Variants in NFX1 observed in about 807,000 individuals in gnomAD.
NFX1 encodes the protein transcriptional repressor NF-X1.
A neutral mutation model predicts 137.2 loss-of-function variants in NFX1; 69 were observed. The observed-to-expected ratio is 0.50, with a 90% CI of 0.41 to 0.61. The LOEUF (loss-of-function observed/expected upper bound fraction) is 0.61, where lower values mean the gene tolerates loss of function less well. Among genes scored for constraint, NFX1 ranks in the 20% least tolerant of loss-of-function variants. The probability of loss-of-function intolerance (pLI) is 0.00; values close to 1 mark genes in which losing one functional copy is unlikely to be tolerated. For missense variants in NFX1, 1,167 were observed against 1,391.0 expected, an observed-to-expected ratio of 0.84 and a Z score of 2.56; for synonymous variants, 495 against 474.1, an observed-to-expected ratio of 1.04 and a Z score of -0.57.
intron 2 of NFX1, among the ~76,000 whole-genome samples, chr9:33,295,643 A>G (rs1002930154): frequency 6.6e-5 from 10 of 152,222 alleles, no homozygotes; most frequent in African/African-American, 1.4e-4. Flanking sequence ...AAGCAAATAC[A>G]AATAAGAATT....
chr9:33,346,108 TC>T (rs1165116450), intron 14 of NFX1, among the ~76,000 whole-genome samples: 4 of 152,308 alleles, frequency 2.6e-5, no homozygotes, highest in African/African-American at 9.6e-5. Context: ...GTTCCCTCCT[TC>T]CTTGGGGATC....
chr9:33,313,906 G>A, intron 7 of NFX1, 113 bp downstream of exon 7: 5 of 1,070,586 alleles, frequency 4.7e-6, no homozygotes, highest in Non-Finnish European at 6.9e-6. Context: ...AAGACCTTGA[G>A]TAGAGAGAAC....
chr9:33,347,530 A>G (rs1823469524), intron 15 of NFX1: 1 of 181,882 alleles, frequency 5.5e-6, no homozygotes. Context: ...TCAAAAAATA[A>G]TAGATGTTGG....
chr9:33,326,537 A>G (rs1939908446), intron 9 of NFX1, among the ~76,000 whole-genome samples: 1 of 151,848 alleles, frequency 6.6e-6, no homozygotes, highest in African/African-American at 2.4e-5. Flanking sequence ...TGGGCAACGT[A>G]GTGAGATTTA....
chr9:33,300,287 T>A (rs1000328477), intron 2 of NFX1, among the ~76,000 whole-genome samples: 6 of 151,856 alleles, frequency 4.0e-5, no homozygotes, highest in Non-Finnish European at 7.4e-5. Flanking sequence ...ATGGTCTTGA[T>A]CTCCCGACCT....
At chr9:33,365,608 C>G (rs1426578876) in intron 21 of NFX1, 1 of 151,932 alleles carries the variant, frequency 6.6e-6, no homozygotes, top group African/African-American at 2.4e-5. Flanking sequence ...GATCCTGTCT[C>G]AATAAAAAAG....
chr9:33,337,906 G>A (rs935990676), intron 11 of NFX1, among the ~76,000 whole-genome samples: 17 of 151,894 alleles, frequency 1.1e-4, no homozygotes, highest in Non-Finnish European at 2.2e-4. Context: ...AAAATTAGCC[G>A]GGCGTGGTGG....
chr9:33,298,719 G>A (rs1396763773), intron 2 of NFX1, among the ~76,000 whole-genome samples: 3 of 152,204 alleles, frequency 2.0e-5, no homozygotes, highest in Non-Finnish European at 4.4e-5. Flanking sequence ...AGTGGGTCAA[G>A]GCTGCAGTAA....
intron 6 of NFX1, 120 bp downstream of exon 6, chr9:33,311,297 T>A: frequency 3.9e-6 from 2 of 516,712 alleles, no homozygotes; most frequent in Non-Finnish European, 6.3e-6. Context: ...TGAATAGTAC[T>A]TTTTTTTTTT....
chr9:33,335,382 C>G (rs907036548), intron 11 of NFX1, among the ~76,000 whole-genome samples: 6 of 151,896 alleles, frequency 4.0e-5, no homozygotes, highest in African/African-American at 1.5e-4. Flanking sequence ...AGGCACCCAC[C>G]ACCATGCCTG....
intron 19 of NFX1, among the ~76,000 whole-genome samples, chr9:33,357,620 C>T (rs1332943251): frequency 1.3e-5 from 2 of 152,056 alleles, no homozygotes; most frequent in East Asian, 3.8e-4. Flanking sequence ...TACCCTTGAA[C>T]TCCTGGGCTC....
chr9:33,317,849 C>T (rs1018061325), intron 7 of NFX1, among the ~76,000 whole-genome samples: 10 of 150,874 alleles, frequency 6.6e-5, no homozygotes, highest in African/African-American at 2.4e-4. Flanking sequence ...GGTGGCGGGC[C>T]CCTATAATCC....
At chr9:33,343,033 G>A (rs1823285903) in intron 13 of NFX1, among the ~76,000 whole-genome samples, 179 bp downstream of exon 13, 1 of 152,156 alleles carries the variant, frequency 6.6e-6, no homozygotes, top group Non-Finnish European at 1.5e-5. Flanking sequence ...CCCTGAATGT[G>A]CAAAACTTGG....
chr9:33,362,180 G>C (rs909104828), intron 19 of NFX1, among the ~76,000 whole-genome samples: 3 of 151,352 alleles, frequency 2.0e-5, no homozygotes, highest in Non-Finnish European at 2.9e-5. Context: ...TGGTGGGATT[G>C]TAAATTAGTA....
At chr9:33,320,792 A>G (rs924070795) in intron 9 of NFX1, among the ~76,000 whole-genome samples, 4 of 152,334 alleles carry the variant, frequency 2.6e-5, no homozygotes, top group Middle Eastern at 6.8e-3. Context: ...CTAACCATGT[A>G]TCTTGTGAGG....
rs1368572992 is a variant in NFX1, at chr9:33,295,341, C to G, written c.947C>G (p.Thr316Ser). The G allele has an allele frequency of 6.2e-7, 1 of 1,614,182 alleles. No individual in the cohort carries two copies. The highest frequency in any genetic ancestry group is 2.2e-5 in the East Asian group (1 of 44,892). ...AGGAGGGTTGACCAAGAGAAATGCA[C>G]TGTACGGAGGCAGGATCCTCAAGTA... ...SSRRVDQEKC[T>S]VRRQDPQVVS... The change falls in exon 2 of 24, where the codon ACT (threonine) becomes AGT (serine). Residue 316 changes from threonine to serine, a missense_variant. By Grantham distance (58) the Thr-to-Ser change is moderately conservative. Coordinates refer to ENST00000379540, the MANE Select transcript of NFX1 (RefSeq NM_002504.6).
chr9:33,367,607 ATCAG>A lies in NFX1; in HGVS notation c.3283_3286del (p.Ser1095ThrfsTer12). On this transcript the variant is annotated frameshift_variant, in exon 23 of 24. Coordinates refer to ENST00000379540, the MANE Select transcript of NFX1 (RefSeq NM_002504.6). LOFTEE classifies it high-confidence loss of function. The stretch of plus-strand genomic sequence containing the variant: ...CCACCACCGATTCCTCATCACAGAC[ATCAG>A]TCAGACAAGTAAGATTCTCCAGCTG... 1.2e-6 allele frequency: 2 copies of A among 1,613,750 alleles called. No homozygotes were observed. The highest frequency in any genetic ancestry group is 1.7e-6 in the Non-Finnish European group (2 of 1,179,728).
intron 2 of NFX1, among the ~76,000 whole-genome samples, chr9:33,300,114 T>C (rs367911923): frequency 1.5e-5 from 2 of 135,882 alleles, no homozygotes; most frequent in Non-Finnish European, 3.0e-5. Flanking sequence ...CACTCTGGAG[T>C]GCAGTGGTGC....
chr9:33,307,333 G>C, intron 5 of NFX1, 34 bp downstream of exon 5: 1 of 1,566,368 alleles, frequency 6.4e-7, no homozygotes, highest in African/African-American at 1.3e-5. Context: ...TGGGATTGCT[G>C]GTGGACATGC....
Sources: allele counts gnomAD v4.1 joint callset (sites outside exome capture counted in the v4.1 genomes callset), GRCh38; gene constraint gnomAD v4.1.1; transcripts MANE v1.5; gene names NCBI Gene and HGNC (gene_info 2026-07-23, HGNC 2026-07-21).